LPP: variants seen among roughly 807,000 people sequenced by gnomAD.
LPP encodes LIM domain containing preferred translocation partner in lipoma, also known as lipoma-preferred partner.
A neutral mutation model predicts 60.4 loss-of-function variants in LPP; 38 were observed. The observed-to-expected ratio is 0.63, with a 90% CI of 0.49 to 0.83. LPP has a LOEUF of 0.83. Among genes scored for constraint, LPP ranks in the 40% least tolerant of loss-of-function variants. The probability of loss-of-function intolerance (pLI) is 0.00; values close to 1 mark genes in which losing one functional copy is unlikely to be tolerated. For missense variants in LPP, 902 were observed against 783.6 expected, an observed-to-expected ratio of 1.15 and a Z score of -1.80; for synonymous variants, 328 against 290.8, an observed-to-expected ratio of 1.13 and a Z score of -1.30.
chr3:188,866,723 T>C (rs1159935175), intron 10 of LPP, among the ~76,000 whole-genome samples: 1 of 152,184 alleles, frequency 6.6e-6, no homozygotes, highest in Non-Finnish European at 1.5e-5. Flanking sequence ...CATTTGGCAT[T>C]GTTCAACTTA....
intron 2 of LPP, among the ~76,000 whole-genome samples, chr3:188,292,833 C>G (rs1030114903): frequency 1.5e-4 from 23 of 152,122 alleles, no homozygotes; most frequent in Non-Finnish European, 3.2e-4. Context: ...CCTCCTTGAC[C>G]CCTTGACTTT....
At chr3:188,494,953 G>A (rs909422998) in intron 5 of LPP, among the ~76,000 whole-genome samples, 32 of 149,626 alleles carry the variant, frequency 2.1e-4, no homozygotes, top group African/African-American at 6.9e-4. Context: ...TTTTGGGCTA[G>A]CAGGTCTCTG....
At chr3:188,580,395 C>A (rs1240919101) in intron 6 of LPP, among the ~76,000 whole-genome samples, 1 of 152,164 alleles carries the variant, frequency 6.6e-6, no homozygotes, top group Non-Finnish European at 1.5e-5. Flanking sequence ...TTGATGACCT[C>A]ATTGTCTATA....
intron 5 of LPP, among the ~76,000 whole-genome samples, chr3:188,509,885 T>TG (rs1814909932): frequency 6.8e-6 from 1 of 146,276 alleles, no homozygotes; most frequent in Non-Finnish European, 1.5e-5. Context: ...TTTTTTTTTT[T>TG]TTTTTGCATC....
At chr3:188,774,354 G>A (rs990135800) in intron 9 of LPP, among the ~76,000 whole-genome samples, 2 of 151,918 alleles carry the variant, frequency 1.3e-5, no homozygotes, top group East Asian at 1.9e-4. Flanking sequence ...TGTTTTAACC[G>A]TTTACCACTT....
intron 1 of LPP, among the ~76,000 whole-genome samples, chr3:188,155,664 C>A (rs534833584): frequency 6.6e-6 from 1 of 152,138 alleles, no homozygotes; most frequent in Non-Finnish European, 1.5e-5. Context: ...TTCTCCACTT[C>A]GTCACCAGTT....
At chr3:188,815,114 T>C (rs974921238) in intron 9 of LPP, among the ~76,000 whole-genome samples, 1 of 152,238 alleles carries the variant, frequency 6.6e-6, no homozygotes, top group Non-Finnish European at 1.5e-5. Context: ...TGACACTAAA[T>C]AAATACTTGT....
intron 5 of LPP, among the ~76,000 whole-genome samples, chr3:188,520,137 T>G (rs1467691817): frequency 1.3e-5 from 2 of 152,166 alleles, no homozygotes; most frequent in Non-Finnish European, 2.9e-5. Flanking sequence ...GTCCCAACTG[T>G]GGTTTGGTGA....
At chr3:188,737,263 A>G (rs1722846036) in intron 8 of LPP, among the ~76,000 whole-genome samples, 2 of 152,224 alleles carry the variant, frequency 1.3e-5, no homozygotes, top group South Asian at 2.1e-4. Flanking sequence ...TGGAGTGGTG[A>G]AGAGATCCTT....
rs78468193 is a variant in LPP at position 188,434,003 on chromosome 3, C to T, written c.193+27690C>T. The stretch of plus-strand genomic sequence containing the variant: ...GAATGGTAGTATAACTTCATCGTGT[C>T]CCATGTTTCTCATGGTTTCCAGTTG... On this transcript the variant is annotated intron_variant, in intron 4 of 11. Coordinates refer to ENST00000617246, the MANE Select transcript of LPP (RefSeq NM_001375462.1). Among the ~76,000 whole-genome samples, 20 of 152,160 alleles carry T rather than the reference C, an allele frequency of 1.3e-4. No individual in the cohort carries two copies. In the East Asian group the frequency reaches 3.9e-3, roughly 29 times the overall value.
chr3:188,664,808 C>G (rs1855413256), intron 7 of LPP, among the ~76,000 whole-genome samples: 1 of 151,882 alleles, frequency 6.6e-6, no homozygotes, highest in African/African-American at 2.4e-5. Context: ...AAAATATTAC[C>G]AGGGACTAAA....
chr3:188,430,803 A>G (rs1019244045), intron 4 of LPP, among the ~76,000 whole-genome samples: 7 of 152,034 alleles, frequency 4.6e-5, no homozygotes, highest in Admixed American at 3.3e-4. Context: ...TTACACCATC[A>G]CTGATGATGT....
chr3:188,687,286 G>A lies in LPP; in HGVS notation c.1114-20981G>A, dbSNP rs537537493. Among the ~76,000 whole-genome samples the A allele has an allele frequency of 5.3e-5, 8 of 152,200 alleles. No individual in the cohort carries two copies. In the South Asian group the frequency reaches 1.5e-3, roughly 28 times the overall value. ...TATACCATAGTCTGTTCTAATGCTG[G>A]GATCAAGGATGAAAGTGCTAATTTG... On this transcript the variant is annotated intron_variant, in intron 7 of 11. Coordinates refer to ENST00000617246, the MANE Select transcript of LPP (RefSeq NM_001375462.1).
intron 7 of LPP, among the ~76,000 whole-genome samples, chr3:188,673,966 G>A (rs1857466449): frequency 6.6e-6 from 1 of 151,260 alleles, no homozygotes; most frequent in Non-Finnish European, 1.5e-5. Context: ...ATACCCCCTG[G>A]GTCATTTGCA....
chr3:188,577,374 A>G (rs1240928655), intron 6 of LPP, among the ~76,000 whole-genome samples: 1 of 152,030 alleles, frequency 6.6e-6, no homozygotes. Flanking sequence ...TTGTGAATAT[A>G]TTTTCATACA....
At chr3:188,626,769 A>T (rs1846921628) in intron 7 of LPP, among the ~76,000 whole-genome samples, 1 of 152,106 alleles carries the variant, frequency 6.6e-6, no homozygotes, top group Non-Finnish European at 1.5e-5. Flanking sequence ...TCACAATCTG[A>T]TATACTAGGG....
chr3:188,499,562 T>C (rs889088255), intron 5 of LPP, among the ~76,000 whole-genome samples: 9 of 152,168 alleles, frequency 5.9e-5, no homozygotes, highest in Non-Finnish European at 7.4e-5. Context: ...CCTTTGTTCC[T>C]TTTTACTCAG....
chr3:188,159,446 T>A (rs1717526279), intron 1 of LPP, among the ~76,000 whole-genome samples: 1 of 152,226 alleles, frequency 6.6e-6, no homozygotes, highest in Non-Finnish European at 1.5e-5. Context: ...TGGACACAAA[T>A]AAGCATGCAT....
chr3:188,210,508 A>G (rs1577311963), intron 1 of LPP, among the ~76,000 whole-genome samples: 1 of 152,224 alleles, frequency 6.6e-6, no homozygotes, highest in African/African-American at 2.4e-5. Context: ...AGGAATACCA[A>G]TGGGGCAGGC....
Sources: gnomAD v4.1 joint callset for allele counts (sites outside exome capture counted in the v4.1 genomes callset) on GRCh38, gnomAD v4.1.1 for gene constraint, MANE v1.5 for transcripts, NCBI Gene and HGNC (gene_info 2026-07-23, HGNC 2026-07-21) for gene names.